The following PRKG1 variants were observed in gnomAD, a reference collection of about 807,000 sequenced individuals.
PRKG1 encodes protein kinase cGMP-dependent 1.
PRKG1 carries 35 observed loss-of-function variants against 88.1 expected under a neutral mutation model. The ratio of observed to expected loss-of-function variants is 0.40; its 90% CI spans 0.30 to 0.53. PRKG1 has a LOEUF of 0.53. Ranked by LOEUF, PRKG1 falls within the 20% of genes least tolerant of loss-of-function variation. PRKG1 has a pLI of 0.59. For synonymous variants in PRKG1, 303 were observed against 292.5 expected (o/e 1.04, Z -0.37); for missense variants, 540 against 839.8 (o/e 0.64, Z 4.41).
chr10:51,567,321 A>G (rs1267925365), intron 3 of PRKG1, among the ~76,000 whole-genome samples: 2 of 152,216 alleles, frequency 1.3e-5, no homozygotes, highest in African/African-American at 4.8e-5. Context: ...TCCAAGGATC[A>G]CTATCAGGAT....
At chr10:52,192,733 T>C (rs1427032452) in intron 9 of PRKG1, among the ~76,000 whole-genome samples, 2 of 152,036 alleles carry the variant, frequency 1.3e-5, no homozygotes, top group Non-Finnish European at 2.9e-5. Flanking sequence ...ATATTAAGTA[T>C]TTATATAAAA....
At chr10:51,871,978 C>A (rs7078280) in intron 4 of PRKG1, among the ~76,000 whole-genome samples, 1 of 152,130 alleles carries the variant, frequency 6.6e-6, no homozygotes, top group Non-Finnish European at 1.5e-5. Context: ...TTTGTTAGTA[C>A]CCTTAATGGA....
intron 7 of PRKG1, among the ~76,000 whole-genome samples, chr10:52,116,146 A>G (rs1847681908): frequency 6.6e-6 from 1 of 152,152 alleles, no homozygotes; most frequent in Non-Finnish European, 1.5e-5. Context: ...TGATTGGCTA[A>G]GATTTGGCTA....
chr10:52,133,573 G>T (rs1837322977), intron 7 of PRKG1, among the ~76,000 whole-genome samples: 1 of 152,058 alleles, frequency 6.6e-6, no homozygotes, highest in South Asian at 2.1e-4. Context: ...CAAAGGGAAT[G>T]ATATCAAATT....
intron 1 of PRKG1, among the ~76,000 whole-genome samples, chr10:51,078,386 T>C (rs1360194874): frequency 1.4e-5 from 1 of 72,252 alleles, no homozygotes; most frequent in South Asian, 3.4e-4. Context: ...TGCCTGGCTA[T>C]TTTTTTTTTT....
intron 3 of PRKG1, among the ~76,000 whole-genome samples, chr10:51,650,460 T>C (rs1351763181): frequency 6.6e-6 from 1 of 152,236 alleles, no homozygotes; most frequent in Non-Finnish European, 1.5e-5. Context: ...TTGACAAAAT[T>C]AATTAGCAAC....
At chr10:52,113,590 A>G (rs115590887) in intron 7 of PRKG1, among the ~76,000 whole-genome samples, 2,748 of 152,208 alleles carry the variant, frequency 0.018, 83 homozygotes, top group African/African-American at 0.059. Flanking sequence ...GAAGTGGTGT[A>G]ACTGACTGTG....
chr10:52,173,644 T>A (rs1293417615), intron 9 of PRKG1, among the ~76,000 whole-genome samples: 1 of 152,178 alleles, frequency 6.6e-6, no homozygotes, highest in African/African-American at 2.4e-5. Flanking sequence ...CTCTAATGCA[T>A]AAATTGCAAG....
At chr10:52,195,895 A>G (rs1156312092) in intron 9 of PRKG1, among the ~76,000 whole-genome samples, 1 of 152,262 alleles carries the variant, frequency 6.6e-6, no homozygotes, top group Non-Finnish European at 1.5e-5. Flanking sequence ...GGATATAGTC[A>G]GGAAAAAGTC....
chr10:51,743,474 C>T (rs138350205), intron 3 of PRKG1, among the ~76,000 whole-genome samples: 1 of 151,564 alleles, frequency 6.6e-6, no homozygotes, highest in Admixed American at 6.6e-5. Flanking sequence ...AGGAAGCCAG[C>T]GACAAGGCAA....
intron 5 of PRKG1, among the ~76,000 whole-genome samples, chr10:51,952,772 CT>C (rs1232261075): frequency 3.9e-5 from 6 of 152,080 alleles, no homozygotes; most frequent in Non-Finnish European, 7.4e-5. Flanking sequence ...ACCACACAGC[CT>C]TATTGGGATT....
chr10:51,545,676 GA>G (rs749595157), intron 3 of PRKG1, among the ~76,000 whole-genome samples: 1 of 152,030 alleles, frequency 6.6e-6, no homozygotes, highest in Admixed American at 6.6e-5. Flanking sequence ...TATATTAAAG[GA>G]ATTGTGATTA....
chr10:52,092,457 T>G (rs1388444570), intron 7 of PRKG1, among the ~76,000 whole-genome samples: 1 of 152,164 alleles, frequency 6.6e-6, no homozygotes, highest in Non-Finnish European at 1.5e-5. Context: ...ACATAAAGTT[T>G]GATTCTTTTC....
chr10:51,997,109 G>T (rs189397365), intron 5 of PRKG1, among the ~76,000 whole-genome samples: 94 of 152,154 alleles, frequency 6.2e-4, no homozygotes, highest in African/African-American at 2.1e-3. Flanking sequence ...ATTACCAGAG[G>T]CTGGGATGCT....
At chr10:51,485,896 C>G (rs955407034) in intron 3 of PRKG1, among the ~76,000 whole-genome samples, 25 of 152,188 alleles carry the variant, frequency 1.6e-4, no homozygotes, top group African/African-American at 6.0e-4. Context: ...CCATTCACAC[C>G]TGTTGATGCA....
At chr10:51,706,256 T>C (rs1841601304) in intron 3 of PRKG1, among the ~76,000 whole-genome samples, 1 of 152,190 alleles carries the variant, frequency 6.6e-6, no homozygotes, top group Non-Finnish European at 1.5e-5. Context: ...TATGAAACAA[T>C]GTACAGAGGA....
chr10:52,179,220 T>A (rs1171424479), intron 9 of PRKG1, among the ~76,000 whole-genome samples: 1 of 152,194 alleles, frequency 6.6e-6, no homozygotes, highest in African/African-American at 2.4e-5. Context: ...ATTCTAATTA[T>A]TTTTTCATTT....
At chr10:51,190,315 G>T (rs761414152) in intron 2 of PRKG1, among the ~76,000 whole-genome samples, 1 of 151,882 alleles carries the variant, frequency 6.6e-6, no homozygotes, top group African/African-American at 2.4e-5. Context: ...GAAAATTATT[G>T]CACTGAGGTC....
intron 5 of PRKG1, among the ~76,000 whole-genome samples, chr10:51,917,056 GC>G (rs1842357167): frequency 6.6e-6 from 1 of 152,128 alleles, no homozygotes; most frequent in Admixed American, 6.5e-5. Flanking sequence ...GGTGGCTCAT[GC>G]TTATAATCCC....
Sources: allele counts gnomAD v4.1 joint callset (sites outside exome capture counted in the v4.1 genomes callset), GRCh38; gene constraint gnomAD v4.1.1; transcripts MANE v1.5; gene names NCBI Gene and HGNC (gene_info 2026-07-23, HGNC 2026-07-21).